Variants in TSNARE1 observed in about 807,000 individuals in gnomAD.
The protein encoded by TSNARE1 is t-SNARE domain-containing protein 1.
TSNARE1 carries 49 observed loss-of-function variants against 62.0 expected under a neutral mutation model. The observed-to-expected ratio is 0.79, with a 90% confidence interval of 0.63 to 1.00. The LOEUF (loss-of-function observed/expected upper bound fraction) is 1.00. Among genes scored for constraint, TSNARE1 ranks in the 50% least tolerant of loss-of-function variants. TSNARE1 has a pLI of 0.00. For synonymous variants in TSNARE1, 328 were observed against 294.4 expected (o/e 1.11, Z -1.17); for missense variants, 755 against 700.1 (o/e 1.08, Z -0.88).
chr8:142,221,133 G>A (rs566059904), intron 13 of TSNARE1, among the ~76,000 whole-genome samples: 46 of 152,270 alleles, frequency 3.0e-4, no homozygotes, highest in African/African-American at 9.9e-4. Context: ...TCTGCACCTC[G>A]GTTTTCTCAT....
At chr8:142,249,246 G>A (rs58302364) in intron 12 of TSNARE1, among the ~76,000 whole-genome samples, 9,711 of 152,286 alleles carry the variant, frequency 0.064, 392 homozygotes, top group African/African-American at 0.11. Context: ...CGGACGGGGT[G>A]AGGGCGGTGG....
At chr8:142,278,283 G>A (rs534990140) in intron 11 of TSNARE1, 39 of 985,450 alleles carry the variant, frequency 4.0e-5, no homozygotes, top group African/African-American at 1.2e-4. Flanking sequence ...CTCATGCACC[G>A]CTGTGAGCAG....
At chr8:142,289,822 TAA>T (rs1823447621) in intron 10 of TSNARE1, among the ~76,000 whole-genome samples, 1 of 152,192 alleles carries the variant, frequency 6.6e-6, no homozygotes, top group African/African-American at 2.4e-5. Flanking sequence ...AACAGAGGAC[TAA>T]AGAGCTGAAC....
intron 4 of TSNARE1, among the ~76,000 whole-genome samples, chr8:142,342,977 A>G (rs1832795706): frequency 6.7e-6 from 1 of 149,072 alleles, no homozygotes; most frequent in Non-Finnish European, 1.5e-5. Flanking sequence ...GCAAGAGCTC[A>G]GCATGCCATG....
intron 10 of TSNARE1, among the ~76,000 whole-genome samples, chr8:142,288,484 G>T (rs546901819): frequency 6.6e-6 from 1 of 152,340 alleles, no homozygotes; most frequent in Admixed American, 6.5e-5. Context: ...TCTCATCGCC[G>T]ACACTCACTA....
intron 13 of TSNARE1, among the ~76,000 whole-genome samples, chr8:142,222,541 CATTCACT>C (rs1816390440): frequency 3.7e-4 from 29 of 77,554 alleles, no homozygotes; most frequent in East Asian, 8.7e-4. Context: ...CTCACTCACT[CATTCACT>C]CACTCACTCA....
chr8:142,315,796 T>A (rs1828435443), intron 7 of TSNARE1, among the ~76,000 whole-genome samples: 1 of 152,190 alleles, frequency 6.6e-6, no homozygotes. Flanking sequence ...GAGCCAAGGC[T>A]AAGGCGGGCT....
intron 11 of TSNARE1, among the ~76,000 whole-genome samples, chr8:142,283,169 T>A (rs1278752608): frequency 6.6e-6 from 1 of 150,620 alleles, no homozygotes; most frequent in Non-Finnish European, 1.5e-5. Flanking sequence ...GTGGGGCCAG[T>A]GTCTGTCAAT....
At chr8:142,256,289 TCACCACACCCACCACCACCA>T (rs1818549286) in intron 12 of TSNARE1, among the ~76,000 whole-genome samples, 2 of 67,786 alleles carry the variant, frequency 3.0e-5, no homozygotes, top group African/African-American at 5.6e-5. Flanking sequence ...ATTACCATCA[TCACCACACCCACCACCACCA>T]TCATCACCAC....
rs780721279 is a variant in TSNARE1 at position 142,291,841 on chromosome 8, G to A, written c.1291-7356C>T. Reference sequence around the variant, plus strand: ...GGGCCTCGGGCAATAGGAACCAGGAGCAGGGGTGGCCGGGCCTGCCCAGGG... The same window carrying A: ...GGGCCTCGGGCAATAGGAACCAGGAACAGGGGTGGCCGGGCCTGCCCAGGG... On this transcript the variant is annotated intron_variant, in intron 10 of 13. Coordinates refer to ENST00000524325, the MANE Select transcript of TSNARE1 (RefSeq NM_145003.5). The surrounding 1 kb of genome is among the most constrained non-coding windows in gnomAD (Gnocchi z 4.8). 2.6e-5 allele frequency among the ~76,000 whole-genome samples: 4 copies of A among 152,072 alleles called. No individual in the cohort carries two copies. The highest frequency in any genetic ancestry group is 4.4e-5 in the Non-Finnish European group (3 of 68,014).
intron 4 of TSNARE1, among the ~76,000 whole-genome samples, chr8:142,333,969 G>C (rs1221827532): frequency 1.3e-5 from 2 of 152,126 alleles, no homozygotes; most frequent in East Asian, 3.9e-4. Flanking sequence ...AGAACAACGA[G>C]AATGAGGATG....
At chr8:142,352,031 G>A (rs992204201) in intron 2 of TSNARE1, among the ~76,000 whole-genome samples, 2 of 152,256 alleles carry the variant, frequency 1.3e-5, no homozygotes, top group African/African-American at 4.8e-5. Flanking sequence ...AGAGAAAAGT[G>A]CGAGTCCCGA....
At chr8:142,385,552 G>A (rs1042568223) in intron 1 of TSNARE1, among the ~76,000 whole-genome samples, 2 of 152,146 alleles carry the variant, frequency 1.3e-5, no homozygotes, top group African/African-American at 4.8e-5. Context: ...CCTGGGAGGG[G>A]AATACGACAA....
intron 4 of TSNARE1, among the ~76,000 whole-genome samples, chr8:142,332,353 C>G (rs1282985510): frequency 6.6e-6 from 1 of 152,148 alleles, no homozygotes; most frequent in African/African-American, 2.4e-5. Flanking sequence ...CACACATCTA[C>G]CATGTCAGAA....
At chr8:142,381,278 T>G (rs1587093675) in intron 1 of TSNARE1, among the ~76,000 whole-genome samples, 2 of 152,164 alleles carry the variant, frequency 1.3e-5, no homozygotes, top group South Asian at 4.1e-4. Flanking sequence ...AGGCCATGTC[T>G]CAGCCACCTC....
chr8:142,280,001 G>A (rs529965853), intron 11 of TSNARE1: 13 of 1,187,422 alleles, frequency 1.1e-5, no homozygotes, highest in Middle Eastern at 7.4e-4. Context: ...GCACCTCGCA[G>A]GTCCCGCCAC....
chr8:142,242,818 T>C (rs1193096023), intron 12 of TSNARE1, among the ~76,000 whole-genome samples: 2 of 151,860 alleles, frequency 1.3e-5, no homozygotes, highest in African/African-American at 4.8e-5. Context: ...TAAAATTAAC[T>C]GGGCGTGGTG....
intron 12 of TSNARE1, among the ~76,000 whole-genome samples, chr8:142,236,081 C>T (rs1413879799): frequency 6.6e-6 from 1 of 152,194 alleles, no homozygotes; most frequent in African/African-American, 2.4e-5. Context: ...ACAGCCTCAC[C>T]GCGTGGCCAT....
chr8:142,374,911 C>G (rs1331589140), intron 1 of TSNARE1, among the ~76,000 whole-genome samples: 2 of 152,164 alleles, frequency 1.3e-5, no homozygotes, highest in Non-Finnish European at 2.9e-5. Flanking sequence ...TGCTACCAAA[C>G]CAATCCACAT....
Sources: allele counts gnomAD v4.1 joint callset (sites outside exome capture counted in the v4.1 genomes callset), GRCh38; gene constraint gnomAD v4.1.1; non-coding constraint Gnocchi (gnomAD v3.1); transcripts MANE v1.5; gene names NCBI Gene and HGNC (gene_info 2026-07-23, HGNC 2026-07-21).